MPRIP: variants seen among roughly 807,000 people sequenced by gnomAD.
MPRIP encodes myosin phosphatase Rho interacting protein.
Under a neutral mutation model 234.9 loss-of-function variants are expected in MPRIP, and 59 were observed. The ratio of observed to expected loss-of-function variants is 0.25; its 90% CI spans 0.20 to 0.31. MPRIP has a LOEUF of 0.31. Among genes scored for constraint, MPRIP ranks in the 10% least tolerant of loss-of-function variants. MPRIP has a pLI of 1.00. For synonymous variants in MPRIP, 1,144 were observed against 1,263.9 expected (o/e 0.91, Z 2.01); for missense variants, 2,436 against 3,071.0 (o/e 0.79, Z 4.89).
Position 17,150,210 on chromosome 17 carries a change from A to G in MPRIP, c.1696A>G (p.Arg566Gly). 6.2e-7 allele frequency: 1 copy of G among 1,613,536 alleles called. No individual in the cohort carries two copies. Among genetic ancestry groups the G allele is most frequent in the Non-Finnish European group, 8.5e-7 (1 of 1,179,620 alleles). The change falls in exon 12 of 24, where the codon AGA becomes GGA. Residue 566 changes from arginine to glycine, a missense_variant. By Grantham distance (125) the Arg-to-Gly change is moderately radical (BLOSUM62 -2). Around this residue, in one of 4 missense-constraint regions of MPRIP, gnomAD observed 1,998 missense variants for 2,520.3 expected, o/e 0.79. Transcript: ENST00000651222. ...CGATGTCACAGAGTATCCAGTTCAGAGAAACTATGGCTTCCAGATACATGT... is the reference window on the plus strand; with the variant it reads ...CGATGTCACAGAGTATCCAGTTCAGGGAAACTATGGCTTCCAGATACATGT... ...CYDVTEYPVQ[R>G]NYGFQIHTKE...
intron 20 of MPRIP, among the ~76,000 whole-genome samples, chr17:17,175,855 C>T (rs2046243222): frequency 6.6e-6 from 1 of 152,194 alleles, no homozygotes; most frequent in Non-Finnish European, 1.5e-5. Context: ...CTAAAATGTG[C>T]TAAAATTTCA....
intron 7 of MPRIP, among the ~76,000 whole-genome samples, chr17:17,140,936 G>T (rs1010603522): frequency 6.6e-6 from 1 of 152,190 alleles, no homozygotes; most frequent in East Asian, 1.9e-4. Context: ...GGTGCTTGCT[G>T]TCCCACCTGC....
At chr17:17,070,737 T>C (rs932471172) in intron 1 of MPRIP, among the ~76,000 whole-genome samples, 1 of 152,250 alleles carries the variant, frequency 6.6e-6, no homozygotes, top group African/African-American at 2.4e-5. Context: ...GCTGTCATCT[T>C]GGTGTTGGCA....
At chr17:17,047,843 C>G (rs1284662795) in intron 1 of MPRIP, among the ~76,000 whole-genome samples, 3 of 152,076 alleles carry the variant, frequency 2.0e-5, no homozygotes, top group African/African-American at 7.2e-5. Context: ...GAGGTGGTTG[C>G]TGAAATCATG....
chr17:17,130,204 A>G (rs1203687684), intron 4 of MPRIP, among the ~76,000 whole-genome samples: 2 of 152,078 alleles, frequency 1.3e-5, no homozygotes, highest in African/African-American at 4.8e-5. Context: ...GTGGCCCCTC[A>G]GCTCTGTTGC....
intron 18 of MPRIP, 180 bp from the exon 19 acceptor site, chr17:17,173,736 G>C (rs2046194235): frequency 1.4e-6 from 1 of 732,204 alleles, no homozygotes; most frequent in Admixed American, 2.0e-5. Context: ...AAGGACCAGG[G>C]AGGGGCGTGA....
At chr17:17,044,165 C>T (rs987637186) in intron 1 of MPRIP, among the ~76,000 whole-genome samples, 4 of 152,136 alleles carry the variant, frequency 2.6e-5, no homozygotes, top group African/African-American at 9.7e-5. Flanking sequence ...CATCTAAACC[C>T]CAAAAGCTTA....
rs969996051 is a variant in MPRIP, at chr17:17,165,328, G to A, written c.3737G>A (p.Gly1246Asp). The A allele has an allele frequency of 3.8e-6, 5 of 1,303,938 alleles. No homozygotes were observed. Among genetic ancestry groups the A allele is most frequent in the Middle Eastern group, 2.1e-4 (1 of 4,720 alleles). The allele number at this position is 1,303,938 out of a possible 1,614,324, so 80.8% of individuals were successfully genotyped here. A position where few individuals can be genotyped will look rare whatever the true frequency, so the allele number is the denominator to read the frequency against. ...GAAAGGGATGGCACTTTGCTCCCAGGCCAACCAGTCCAAGCCACTAGGGCA... is the reference window on the plus strand; with the variant it reads ...GAAAGGGATGGCACTTTGCTCCCAGACCAACCAGTCCAAGCCACTAGGGCA... The part of the protein sequence containing the change: ...ETERDGTLLP[G>D]QPVQATRAPL... Residue 1246 changes from glycine to aspartate, a missense_variant, in exon 16 of 24, where the codon GGC becomes GAC. By Grantham distance (94) the Gly-to-Asp change is moderately conservative. Transcript: ENST00000651222.
intron 8 of MPRIP, among the ~76,000 whole-genome samples, 191 bp downstream of exon 8, chr17:17,142,956 G>T (rs1042180005): frequency 8.5e-5 from 13 of 152,136 alleles, no homozygotes; most frequent in Non-Finnish European, 2.9e-5. Context: ...AGCCTTCTCC[G>T]TCTCTGCTGA....
At chr17:17,093,572 T>C (rs905946122) in intron 3 of MPRIP, among the ~76,000 whole-genome samples, 16 of 152,184 alleles carry the variant, frequency 1.1e-4, no homozygotes, top group Admixed American at 7.2e-4. Context: ...CTCCCTGATA[T>C]ATGTGAAGGT....
At chr17:17,153,963 G>A (rs564831711) in intron 12 of MPRIP, among the ~76,000 whole-genome samples, 7 of 152,132 alleles carry the variant, frequency 4.6e-5, no homozygotes, top group African/African-American at 7.2e-5. Context: ...CCCTTCCCCC[G>A]AGGCTGGGAA....
intron 3 of MPRIP, among the ~76,000 whole-genome samples, chr17:17,104,579 T>G (rs1377971230): frequency 1.3e-5 from 2 of 152,088 alleles, no homozygotes; most frequent in Admixed American, 6.5e-5. Flanking sequence ...TTCTCCGTCC[T>G]TCCTTTTGTC....
In MPRIP at chr17:17,176,839, A is replaced by G. The variant is rs1189926674; in HGVS notation, c.6957+327A>G. 2.6e-5 allele frequency among the ~76,000 whole-genome samples: 4 copies of G among 152,212 alleles called. No homozygotes were observed. In the East Asian group the frequency reaches 7.7e-4, roughly 29 times the overall value. ...TTTGAGCCGCCCCCTGGCTTCCACC[A>G]GCCTCCTCCAGGGACTCCTGGAGTC... On this transcript the variant is annotated intron_variant, in intron 21 of 23. Coordinates refer to ENST00000651222, the MANE Select transcript of MPRIP (RefSeq NM_001364716.4).
At chr17:17,045,349 T>C (rs972466816) in intron 1 of MPRIP, among the ~76,000 whole-genome samples, 1 of 152,216 alleles carries the variant, frequency 6.6e-6, no homozygotes, top group African/African-American at 2.4e-5. Flanking sequence ...TTGTTTGTTT[T>C]TCCCCTAGAG....
In MPRIP at chr17:17,070,973, C is replaced by G. The variant is rs529094794; in HGVS notation, c.124-4737C>G. Among the ~76,000 whole-genome samples the G allele has an allele frequency of 5.9e-5, 9 of 152,368 alleles. No individual in the cohort carries two copies. In the East Asian group the frequency reaches 1.7e-3, roughly 29 times the overall value. ...ACAGAAGTCCATCCCTCGGCCTCCA[C>G]TGATGCCTGAACTGGGAGGCTCCTC... On this transcript the variant is annotated intron_variant, in intron 1 of 23. Coordinates refer to ENST00000651222, the MANE Select transcript of MPRIP (RefSeq NM_001364716.4).
chr17:17,129,663 A>G (rs2090559483), intron 4 of MPRIP, among the ~76,000 whole-genome samples: 1 of 151,528 alleles, frequency 6.6e-6, no homozygotes, highest in South Asian at 2.1e-4. Flanking sequence ...TCAGCAGAGC[A>G]CCTGCGGTGC....
At chr17:17,102,057 T>A (rs1486982892) in intron 3 of MPRIP, among the ~76,000 whole-genome samples, 1 of 152,150 alleles carries the variant, frequency 6.6e-6, no homozygotes, top group Non-Finnish European at 1.5e-5. Context: ...TAATTTTTTT[T>A]ATTTTTTAAA....
intron 1 of MPRIP, among the ~76,000 whole-genome samples, chr17:17,072,207 A>G (rs971106221): frequency 5.9e-5 from 9 of 152,222 alleles, no homozygotes; most frequent in Admixed American, 2.6e-4. Context: ...AGTCTGAGAC[A>G]TAGAGAAGCA....
At chr17:17,178,177 C>T (rs1050118802) in intron 22 of MPRIP, among the ~76,000 whole-genome samples, 1 of 152,086 alleles carries the variant, frequency 6.6e-6, no homozygotes, top group Non-Finnish European at 1.5e-5. Flanking sequence ...GCCACCTTGG[C>T]CTCCCAAAGT....
Sources: allele counts gnomAD v4.1 joint callset (sites outside exome capture counted in the v4.1 genomes callset), GRCh38; gene constraint gnomAD v4.1.1; regional missense constraint gnomAD v4.1.1; transcripts MANE v1.5; gene names NCBI Gene and HGNC (gene_info 2026-07-23, HGNC 2026-07-21).